EVA1C: variants seen among roughly 807,000 people sequenced by gnomAD.
The protein encoded by EVA1C is eva-1 homolog C.
In EVA1C, 25 loss-of-function variants were observed where a neutral mutation model predicts 45.4. The observed-to-expected ratio is 0.55, with a 90% CI of 0.40 to 0.77. The LOEUF (loss-of-function observed/expected upper bound fraction) is 0.77, where lower values mean the gene tolerates loss of function less well. Ranked by LOEUF, EVA1C falls within the 30% of genes least tolerant of loss-of-function variation. The pLI is 0.00. For missense variants in EVA1C, 479 were observed against 554.8 expected (o/e 0.86, Z 1.37); for synonymous variants, 190 against 221.2 (o/e 0.86, Z 1.25).
At chr21:32,425,354 AAG>A (rs1377947153) in intron 1 of EVA1C, among the ~76,000 whole-genome samples, 1 of 150,862 alleles carries the variant, frequency 6.6e-6, no homozygotes, top group African/African-American at 2.4e-5. Flanking sequence ...AAAAAAAAAA[AAG>A]AGTATTTTGT....
intron 3 of EVA1C, among the ~76,000 whole-genome samples, chr21:32,463,249 C>T (rs910158528): frequency 2.0e-5 from 3 of 152,156 alleles, no homozygotes; most frequent in South Asian, 2.1e-4. Flanking sequence ...TAAGCAGAGT[C>T]GTGGTTCTAC....
At chr21:32,489,199 T>C (rs1300328999) in intron 4 of EVA1C, among the ~76,000 whole-genome samples, 1 of 152,238 alleles carries the variant, frequency 6.6e-6, no homozygotes, top group Non-Finnish European at 1.5e-5. Context: ...CCCCTGGGAT[T>C]TCTTCTAGGA....
intron 4 of EVA1C, among the ~76,000 whole-genome samples, chr21:32,476,608 T>C (rs2036574529): frequency 6.6e-6 from 1 of 152,008 alleles, no homozygotes; most frequent in South Asian, 2.1e-4. Flanking sequence ...GCCATTGCAC[T>C]CCAGCCTGGA....
rs1321717964 is a variant in EVA1C at position 32,445,594 on chromosome 21, G to A, written c.161-7718G>A. ...CACACTGGTCTTTCTATAGTCACTG[G>A]ATTATTTGAATATTAATGGATTTTC... On this transcript the variant is annotated intron_variant, in intron 1 of 7. Coordinates refer to ENST00000300255, the MANE Select transcript of EVA1C (RefSeq NM_058187.5). Among the ~76,000 whole-genome samples, 25 of 152,096 alleles carry A rather than the reference G, an allele frequency of 1.6e-4. 1 individual carries two copies. In the East Asian group the frequency reaches 4.8e-3, roughly 29 times the overall value.
intron 4 of EVA1C, among the ~76,000 whole-genome samples, chr21:32,491,144 A>G (rs2037140402): frequency 6.6e-6 from 1 of 152,188 alleles, no homozygotes. Context: ...GGGGAGAAGG[A>G]AGTATTTCCT....
intron 1 of EVA1C, among the ~76,000 whole-genome samples, chr21:32,451,210 A>T (rs140107635): frequency 2.0e-5 from 3 of 152,206 alleles, no homozygotes; most frequent in African/African-American, 7.2e-5. Flanking sequence ...TACTTTACAC[A>T]CAGGTCATCG....
intron 1 of EVA1C, among the ~76,000 whole-genome samples, chr21:32,417,709 A>G (rs1384433215): frequency 6.6e-6 from 1 of 152,156 alleles, no homozygotes; most frequent in African/African-American, 2.4e-5. Flanking sequence ...GGAACTCAGT[A>G]TTGATGGACA....
At chr21:32,501,346 A>C (rs1240358681) in intron 5 of EVA1C, 69 bp from the exon 6 acceptor site, 1 of 1,347,324 alleles carries the variant, frequency 7.4e-7, no homozygotes, top group Non-Finnish European at 1.0e-6. Context: ...ATTGCATTTA[A>C]AAATGTATTA....
intron 4 of EVA1C, chr21:32,473,968 G>A: frequency 1.0e-6 from 1 of 985,290 alleles, no homozygotes; most frequent in Non-Finnish European, 1.2e-6. Context: ...TTTGGCTGTG[G>A]CCGTGAATGC....
intron 7 of EVA1C, among the ~76,000 whole-genome samples, chr21:32,509,469 GA>G (rs1429113749): frequency 6.6e-6 from 1 of 152,140 alleles, no homozygotes; most frequent in Non-Finnish European, 1.5e-5. Flanking sequence ...AGAGGAGAGG[GA>G]AAAAAAGGGA....
intron 1 of EVA1C, among the ~76,000 whole-genome samples, chr21:32,417,414 C>T (rs979819513): frequency 6.6e-6 from 1 of 152,194 alleles, no homozygotes; most frequent in African/African-American, 2.4e-5. Context: ...GTGTCCTAAC[C>T]TCCTCTTCTT....
intron 4 of EVA1C, among the ~76,000 whole-genome samples, chr21:32,468,894 G>C (rs1422911268): frequency 6.6e-6 from 1 of 152,164 alleles, no homozygotes; most frequent in Non-Finnish European, 1.5e-5. Flanking sequence ...CATCACAGTA[G>C]GGTTATACAC....
intron 5 of EVA1C, among the ~76,000 whole-genome samples, chr21:32,495,482 A>G (rs192824529): frequency 2.6e-5 from 4 of 152,308 alleles, no homozygotes; most frequent in African/African-American, 9.6e-5. Flanking sequence ...CACTGAGACC[A>G]GTGATTTTCA....
At chr21:32,507,827 G>A (rs190287142) in intron 7 of EVA1C, among the ~76,000 whole-genome samples, 3 of 150,882 alleles carry the variant, frequency 2.0e-5, no homozygotes, top group Non-Finnish European at 4.4e-5. Flanking sequence ...TATGTGTGTT[G>A]CATGTGTGTG....
At chr21:32,502,175 C>A (rs1028593358) in intron 6 of EVA1C, among the ~76,000 whole-genome samples, 20 of 151,934 alleles carry the variant, frequency 1.3e-4, no homozygotes, top group African/African-American at 4.6e-4. Context: ...TCTCCACTCA[C>A]TGCAACCTCT....
Position 32,514,950 on chromosome 21 carries a change from G to A in EVA1C, c.1086G>A (p.Val362=). 1.9e-6 allele frequency: 3 copies of A among 1,614,172 alleles called. No individual in the cohort carries two copies. Among genetic ancestry groups the A allele is most frequent in the Non-Finnish European group, 2.5e-6 (3 of 1,180,030 alleles). Residue 362 remains valine, a synonymous_variant, in exon 8 of 8, where the codon GTG becomes GTA. Transcript: ENST00000300255. The part of the protein sequence containing the change: ...RDLQLGREQL[V]PGSDKVEEDS... Reference sequence around the variant, plus strand: ...TGCAGCTGGGGAGGGAGCAGCTGGTGCCAGGAAGTGACAAGGTCGAGGAGG... The same window carrying A: ...TGCAGCTGGGGAGGGAGCAGCTGGTACCAGGAAGTGACAAGGTCGAGGAGG...
chr21:32,449,269 G>T (rs145130558), intron 1 of EVA1C, among the ~76,000 whole-genome samples: 1 of 152,212 alleles, frequency 6.6e-6, no homozygotes, highest in African/African-American at 2.4e-5. Context: ...GGTGTTGTAC[G>T]TTGCATGGGT....
chr21:32,429,155 C>T (rs1328839384), intron 1 of EVA1C, among the ~76,000 whole-genome samples: 3 of 151,508 alleles, frequency 2.0e-5, no homozygotes, highest in Admixed American at 1.3e-4. Flanking sequence ...CTTCACTTAA[C>T]CCAGCCTCCC....
At chr21:32,458,343 C>T (rs925297665) in intron 3 of EVA1C, among the ~76,000 whole-genome samples, 2 of 152,098 alleles carry the variant, frequency 1.3e-5, no homozygotes, top group African/African-American at 4.8e-5. Context: ...ATCCATCTTC[C>T]GTGGGTGGGT....
Sources: allele counts gnomAD v4.1 joint callset (sites outside exome capture counted in the v4.1 genomes callset), GRCh38; gene constraint gnomAD v4.1.1; transcripts MANE v1.5; gene names NCBI Gene and HGNC (gene_info 2026-07-23, HGNC 2026-07-21).